Variants in LYST observed in about 807,000 individuals in gnomAD.
LYST encodes the protein lysosomal trafficking regulator.
A neutral mutation model predicts 413.6 loss-of-function variants in LYST; 192 were observed. The observed-to-expected ratio is 0.46, with a 90% CI of 0.41 to 0.52. The LOEUF is 0.52. Ranked by LOEUF, LYST falls within the 20% of genes least tolerant of loss-of-function variation. The pLI, the probability that LYST is intolerant of heterozygous loss-of-function variation, is 0.00. For synonymous variants in LYST, 1,525 were observed against 1,567.3 expected (o/e 0.97, Z 0.64); for missense variants, 3,815 against 4,499.9 (o/e 0.85, Z 4.35).
intron 43 of LYST, among the ~76,000 whole-genome samples, chr1:235,711,222 T>G (rs572339543): frequency 6.6e-6 from 1 of 151,676 alleles, no homozygotes; most frequent in South Asian, 2.1e-4. Context: ...AAACAAGGAG[T>G]AGATTTAAAC....
chr1:235,709,251 G>A lies in LYST; in HGVS notation c.9983C>T (p.Pro3328Leu), dbSNP rs1266381693. 1 of 1,614,058 alleles carries A rather than the reference G, an allele frequency of 6.2e-7. No individual in the cohort carries two copies. Among genetic ancestry groups the A allele is most frequent in the Admixed American group, 1.7e-5 (1 of 60,002 alleles). ...AAGACGAGGATCATTACGCGCCCAA[G>A]GGGGAAGGTTGACGTGATTAACCCG... Reference protein sequence around the residue: ...GERVNHVNLPPWARNDPRLFI... With the variant: ...GERVNHVNLPLWARNDPRLFI... The change falls in exon 44 of 53, where the codon CCT becomes CTT. Residue 3328 changes from proline (P) to leucine (L), a missense_variant. This residue lies in a region of LYST where 866 missense variants were observed against 1,156.0 expected (regional missense o/e 0.75). Coordinates refer to ENST00000389793, the MANE Select transcript of LYST (RefSeq NM_000081.4).
Position 235,755,619 on chromosome 1 carries a change from G to C in LYST, c.7088C>G (p.Ser2363Cys), listed in dbSNP as rs1237769517. ...CAGAAATTTATCTTTTTGTTCCTTA[G>C]ATGCTCTAGCAAAATATGCATCTAA... is the stretch of plus-strand genomic sequence containing the variant. ...KLLDAYFARA[S>C]KEQKDKFLKN... Residue 2363 changes from serine to cysteine, a missense_variant, in exon 25 of 53, where the codon TCT becomes TGT. Coordinates refer to ENST00000389793, the MANE Select transcript of LYST (RefSeq NM_000081.4). 6.2e-7 allele frequency: 1 copy of C among 1,612,664 alleles called. No homozygotes were observed. The highest frequency in any genetic ancestry group is 8.5e-7 in the Non-Finnish European group (1 of 1,179,004).
intron 48 of LYST, among the ~76,000 whole-genome samples, chr1:235,681,276 TGAAA>T (rs545613757): frequency 1.7e-3 from 252 of 151,932 alleles, no homozygotes; most frequent in Non-Finnish European, 2.9e-3. Context: ...AAAGGAGATA[TGAAA>T]GAAAGTGGCA....
chr1:235,760,523 T>C (rs1045660584), intron 22 of LYST, among the ~76,000 whole-genome samples: 2 of 151,910 alleles, frequency 1.3e-5, no homozygotes, highest in African/African-American at 2.4e-5. Context: ...GTGCATGGGA[T>C]ACAAGTGCAT....
intron 1 of LYST, among the ~76,000 whole-genome samples, chr1:235,850,604 G>C (rs1678412628): frequency 6.6e-6 from 1 of 152,028 alleles, no homozygotes; most frequent in Non-Finnish European, 1.5e-5. Context: ...CACAGAATTG[G>C]GAGAAAATCT....
At chr1:235,864,987 A>T (rs1680325846) in intron 1 of LYST, among the ~76,000 whole-genome samples, 1 of 152,184 alleles carries the variant, frequency 6.6e-6, no homozygotes, top group Admixed American at 6.5e-5. Context: ...CTTTCCACTG[A>T]GAGTAGAAAC....
intron 44 of LYST, among the ~76,000 whole-genome samples, chr1:235,705,338 T>A (rs1184585698): frequency 1.3e-5 from 2 of 152,112 alleles, no homozygotes; most frequent in African/African-American, 2.4e-5. Context: ...TGAAAAAAAA[T>A]TCCAGTCAGA....
chr1:235,776,518 G>A (rs1289516376), intron 17 of LYST, among the ~76,000 whole-genome samples: 2 of 152,044 alleles, frequency 1.3e-5, no homozygotes, highest in Non-Finnish European at 2.9e-5. Context: ...TGAGACTGTT[G>A]GTGCTCCCTA....
Position 235,812,994 on chromosome 1 carries a change from G to C in LYST, c.260C>G (p.Pro87Arg). Residue 87 changes from proline to arginine, a missense_variant, in exon 4 of 53, where the codon CCT becomes CGT. This residue lies in a region of LYST where 1,648 missense variants were observed against 1,810.3 expected (regional missense o/e 0.91). Coordinates refer to ENST00000389793, the MANE Select transcript of LYST (RefSeq NM_000081.4). Reference sequence around the variant, plus strand: ...ACCTGTTGCCTTTTCTTCTTGGACAGGTATCTTCCATACCAGTGGAAGGAG... The same window carrying C: ...ACCTGTTGCCTTTTCTTCTTGGACACGTATCTTCCATACCAGTGGAAGGAG... ...LSLLPLVWKI[P>R]VQEEKATDFN... 4.3e-6 allele frequency: 7 copies of C among 1,611,110 alleles called. No homozygotes were observed. The highest frequency in any genetic ancestry group is 5.9e-6 in the Non-Finnish European group (7 of 1,177,506).
rs761072673 is a variant in LYST at position 235,733,554 on chromosome 1, A to C, written c.8750T>G (p.Leu2917Trp). 1.2e-6 allele frequency: 2 copies of C among 1,613,986 alleles called. No homozygotes were observed. Among genetic ancestry groups the C allele is most frequent in the South Asian group, 2.2e-5 (2 of 91,078 alleles). ...QHIRGMYKVD[L>W]SASRHWQELI... ...TTCCTGCCAATGTCTGCTGGCACTC[A>C]AATCTACTTTATACATTCCTCTAAT... Residue 2917 changes from leucine (L) to tryptophan (W), a missense_variant, in exon 34 of 53, where the codon TTG (leucine) becomes TGG (tryptophan). Physicochemically the swap from Leu to Trp is moderately conservative, Grantham distance 61. Coordinates refer to ENST00000389793, the MANE Select transcript of LYST (RefSeq NM_000081.4).
At position 235,855,302 on chromosome 1, in the gene LYST, G is replaced by C. The variant is rs564173397; in HGVS notation, c.-98+11541C>G. Among the ~76,000 whole-genome samples, 7 of 152,210 alleles carry C rather than the reference G, an allele frequency of 4.6e-5. No homozygotes were observed. The South Asian group carries it at 6.2e-4, about 14-fold the overall frequency. Reference sequence around the variant, plus strand: ...CACCAGTTCATTTAATACTAACTTTGATAGAAAACATTTTAATATTCAAAT... The same window carrying C: ...CACCAGTTCATTTAATACTAACTTTCATAGAAAACATTTTAATATTCAAAT... On this transcript the variant is annotated intron_variant, in intron 1 of 52. Coordinates refer to ENST00000389793, the MANE Select transcript of LYST (RefSeq NM_000081.4).
At chr1:235,814,552 G>C (rs1673827962) in intron 3 of LYST, among the ~76,000 whole-genome samples, 1 of 152,172 alleles carries the variant, frequency 6.6e-6, no homozygotes, top group South Asian at 2.1e-4. Context: ...ACCAGTTCAG[G>C]AAAGAAAGGA....
chr1:235,759,737 TA>T (rs1210674606), intron 22 of LYST, 138 bp from the exon 23 acceptor site: 3 of 675,334 alleles, frequency 4.4e-6, no homozygotes, highest in Non-Finnish European at 7.7e-6. Context: ...ATTTTACAAG[TA>T]ACTAATGCTT....
intron 1 of LYST, among the ~76,000 whole-genome samples, chr1:235,834,649 TA>T (rs1481431623): frequency 6.6e-6 from 1 of 152,202 alleles, no homozygotes; most frequent in Non-Finnish European, 1.5e-5. Context: ...CACTTGAAGA[TA>T]AACCAGGCAG....
At chr1:235,822,155 G>A (rs191459412) in intron 3 of LYST, among the ~76,000 whole-genome samples, 7 of 152,192 alleles carry the variant, frequency 4.6e-5, no homozygotes, top group African/African-American at 9.7e-5. Context: ...GCCTCTGGGC[G>A]CCCACTCTTC....
chr1:235,809,530 T>C lies in LYST; in HGVS notation c.1288A>G (p.Met430Val), dbSNP rs780097017. ...TGAATGAATTCTTGAACCAAATCCATGGCTTGACTGAAGTAGAAGGGATTT... is the reference window on the plus strand; with the variant it reads ...TGAATGAATTCTTGAACCAAATCCACGGCTTGACTGAAGTAGAAGGGATTT... ...ASNPFYFSQAMDLVQEFIQHH... is the reference protein window; with the variant it reads ...ASNPFYFSQAVDLVQEFIQHH... Residue 430 changes from methionine to valine, a missense_variant, in exon 5 of 53, where the codon ATG (methionine) becomes GTG (valine). By Grantham distance (21) the Met-to-Val change is conservative. Transcript: ENST00000389793. The surrounding 1 kb of genome is among the most constrained non-coding windows in gnomAD (Gnocchi z 4.0). The C allele has an allele frequency of 1.9e-5, 30 of 1,613,928 alleles. No individual in the cohort carries two copies. The highest frequency in any genetic ancestry group is 2.4e-5 in the Non-Finnish European group (28 of 1,179,988).
rs373776104 is a variant in LYST at position 235,677,113 on chromosome 1, A to G, written c.11016T>C (p.Asp3672=). The change falls in exon 50 of 53, where the codon GAT becomes GAC. Residue 3672 remains aspartate, a synonymous_variant. Transcript: ENST00000389793. ...TAVSASETSG[D]IATVCDSAGG... is the part of the protein sequence containing the mutation. ...CACCTGAATCACACACAGTAGCAAT[A>G]TCACCTGAGGTTTCACTGGCAGAGA... The G allele has an allele frequency of 6.2e-7, 1 of 1,613,962 alleles. No homozygotes were observed. The highest frequency in any genetic ancestry group is 2.2e-5 in the East Asian group (1 of 44,878).
chr1:235,707,683 TAAGG>T (rs1276938857), intron 44 of LYST, among the ~76,000 whole-genome samples: 1 of 152,248 alleles, frequency 6.6e-6, no homozygotes, highest in African/African-American at 2.4e-5. Context: ...GAATTTATCT[TAAGG>T]AAGTAAAGAT....
intron 40 of LYST, 38 bp downstream of exon 40, chr1:235,720,623 A>G: frequency 6.2e-7 from 1 of 1,604,368 alleles, no homozygotes; most frequent in Non-Finnish European, 8.5e-7. Flanking sequence ...CAACATATGG[A>G]TGGATGAACC....
Sources: gnomAD v4.1 joint callset for allele counts (sites outside exome capture counted in the v4.1 genomes callset) on GRCh38, gnomAD v4.1.1 for gene constraint, gnomAD v4.1.1 regional missense constraint, Gnocchi (gnomAD v3.1) non-coding constraint, MANE v1.5 for transcripts, NCBI Gene and HGNC (gene_info 2026-07-23, HGNC 2026-07-21) for gene names.